The following ADAMTS20 variants were observed in gnomAD, a reference collection of about 807,000 sequenced individuals.
ADAMTS20 encodes the protein ADAM metallopeptidase with thrombospondin type 1 motif 20, also known as A disintegrin and metalloproteinase with thrombospondin motifs 20.
In ADAMTS20, 225 loss-of-function variants were observed where a neutral mutation model predicts 260.1. That is an observed-to-expected ratio of 0.87 (90% confidence interval 0.78 to 0.97). ADAMTS20 has a LOEUF of 0.97. Ranked by LOEUF, ADAMTS20 falls within the 50% of genes least tolerant of loss-of-function variation. The pLI, the probability that ADAMTS20 is intolerant of heterozygous loss-of-function variation, is 0.00. For missense variants in ADAMTS20, 2,400 were observed against 2,337.7 expected, an observed-to-expected ratio of 1.03 and a Z score of -0.55; for synonymous variants, 802 against 769.5, an observed-to-expected ratio of 1.04 and a Z score of -0.70.
intron 28 of ADAMTS20, among the ~76,000 whole-genome samples, chr12:43,407,359 G>A (rs1940938873): frequency 6.6e-6 from 1 of 151,198 alleles, no homozygotes; most frequent in Admixed American, 6.6e-5. Flanking sequence ...ATTATTTTGA[G>A]CATATATGTA....
In ADAMTS20 at chr12:43,356,597, T is replaced by G; in HGVS notation, c.5539-9A>C. 1 of 1,585,728 alleles carries G rather than the reference T, an allele frequency of 6.3e-7. No individual in the cohort carries two copies. ...TTAATGCTAAACTGTCCCTGGATTG[T>G]AAATAAAACAAAGAAAAATAGATGG... On this transcript the variant is annotated splice_polypyrimidine_tract_variant and intron_variant, in intron 37 of 38. Coordinates refer to ENST00000389420, the MANE Select transcript of ADAMTS20 (RefSeq NM_025003.5).
chr12:43,514,560 C>CAAAA (rs58435633), intron 3 of ADAMTS20, among the ~76,000 whole-genome samples: 1 of 63,658 alleles, frequency 1.6e-5, no homozygotes, highest in Non-Finnish European at 2.5e-5. Context: ...GACTCTATCT[C>CAAAA]AAAAAAAAAA....
At chr12:43,389,451 C>A (rs1033070045) in intron 29 of ADAMTS20, among the ~76,000 whole-genome samples, 1 of 152,182 alleles carries the variant, frequency 6.6e-6, no homozygotes, top group East Asian at 1.9e-4. Context: ...TGAGAATAAT[C>A]TTTGATGCAA....
At chr12:43,356,252 C>G (rs1468749356) in intron 38 of ADAMTS20, among the ~76,000 whole-genome samples, 1 of 152,128 alleles carries the variant, frequency 6.6e-6, no homozygotes, top group Non-Finnish European at 1.5e-5. Flanking sequence ...TATCTATAGC[C>G]TATATATGGA....
At chr12:43,375,968 G>T in intron 35 of ADAMTS20, 89 bp downstream of exon 35, 1 of 931,410 alleles carries the variant, frequency 1.1e-6, no homozygotes, top group Non-Finnish European at 1.6e-6. Flanking sequence ...TCACATGTAA[G>T]CTATTCAAGT....
At chr12:43,419,751 C>A (rs1941194672) in intron 28 of ADAMTS20, among the ~76,000 whole-genome samples, 1 of 152,096 alleles carries the variant, frequency 6.6e-6, no homozygotes, top group Non-Finnish European at 1.5e-5. Context: ...CACACACACA[C>A]ACACACAGTC....
At chr12:43,491,166 T>C (rs549624614) in intron 6 of ADAMTS20, among the ~76,000 whole-genome samples, 143 of 152,248 alleles carry the variant, frequency 9.4e-4, no homozygotes, top group Non-Finnish European at 1.6e-3. Context: ...ACCTTTTCTA[T>C]GTTTAGATAG....
At chr12:43,412,814 T>G (rs529778145) in intron 28 of ADAMTS20, among the ~76,000 whole-genome samples, 1 of 138,214 alleles carries the variant, frequency 7.2e-6, no homozygotes, top group South Asian at 2.6e-4. Context: ...TTTTTTTTTT[T>G]TTTTTTTTTT....
intron 27 of ADAMTS20, among the ~76,000 whole-genome samples, chr12:43,426,853 A>T (rs1025210152): frequency 8.5e-5 from 13 of 152,218 alleles, no homozygotes; most frequent in African/African-American, 3.1e-4. Context: ...TAGAATATGC[A>T]TTTTTTAAAT....
chr12:43,432,310 C>T lies in ADAMTS20; in HGVS notation c.3090G>A (p.Trp1030Ter). 1 of 1,613,776 alleles carries T rather than the reference C, an allele frequency of 6.2e-7. No homozygotes were observed. The highest frequency in any genetic ancestry group is 8.5e-7 in the Non-Finnish European group (1 of 1,179,762). Residue 1030 changes from tryptophan (W) to a stop codon, truncating the protein, a stop_gained, in exon 21 of 39, where the codon TGG (tryptophan) becomes TGA (stop). Transcript: ENST00000389420. LOFTEE classifies it high-confidence loss of function. Reference protein sequence around the residue: ...FSCPSWAASEWSECLVTCGKG... With the variant: ...FSCPSWAASE ...CATCATGTGTTTAATGTACCTCGCT[C>T]CATTCACTAGCAGCCCAACTGGGAC...
chr12:43,355,746 A>T (rs1002177947), intron 38 of ADAMTS20, among the ~76,000 whole-genome samples: 1 of 152,146 alleles, frequency 6.6e-6, no homozygotes, highest in Non-Finnish European at 1.5e-5. Context: ...AATAACCATA[A>T]GTAATAGAAA....
intron 36 of ADAMTS20, among the ~76,000 whole-genome samples, chr12:43,373,201 G>A (rs916733992): frequency 6.6e-6 from 1 of 152,188 alleles, no homozygotes; most frequent in Non-Finnish European, 1.5e-5. Flanking sequence ...AAAAAGAGAG[G>A]AGAAACTGTA....
At chr12:43,440,610 A>T (rs1274972445) in intron 16 of ADAMTS20, among the ~76,000 whole-genome samples, 1 of 152,180 alleles carries the variant, frequency 6.6e-6, no homozygotes, top group Non-Finnish European at 1.5e-5. Flanking sequence ...TTCACTCTAT[A>T]CTTTTCTATC....
At chr12:43,524,014 C>T in intron 3 of ADAMTS20, among the ~76,000 whole-genome samples, 1 of 151,628 alleles carries the variant, frequency 6.6e-6, no homozygotes, top group Non-Finnish European at 1.5e-5. Context: ...GTAGCTGGTG[C>T]TCTTCTTCAA....
chr12:43,381,256 G>C (rs546164094), intron 31 of ADAMTS20, among the ~76,000 whole-genome samples: 2 of 152,056 alleles, frequency 1.3e-5, no homozygotes, highest in South Asian at 4.2e-4. Context: ...AATTATAAAA[G>C]CCTACAAAGA....
chr12:43,531,847 T>C (rs1323479844), intron 3 of ADAMTS20, among the ~76,000 whole-genome samples, 189 bp downstream of exon 3: 1 of 152,120 alleles, frequency 6.6e-6, no homozygotes, highest in Non-Finnish European at 1.5e-5. Context: ...ATTAAGCCAT[T>C]CCACAATGTA....
intron 37 of ADAMTS20, among the ~76,000 whole-genome samples, chr12:43,360,384 G>A (rs1466670616): frequency 6.6e-6 from 1 of 152,184 alleles, no homozygotes; most frequent in Non-Finnish European, 1.5e-5. Flanking sequence ...GGGAGGCAGA[G>A]GTTGCAGTGA....
chr12:43,482,828 T>G (rs1942462329), intron 7 of ADAMTS20, among the ~76,000 whole-genome samples: 3 of 152,124 alleles, frequency 2.0e-5, no homozygotes. Flanking sequence ...CTGCTGTACT[T>G]TTGAAAGCAC....
intron 7 of ADAMTS20, among the ~76,000 whole-genome samples, chr12:43,471,123 G>C (rs999271009): frequency 6.6e-6 from 1 of 152,104 alleles, no homozygotes; most frequent in Non-Finnish European, 1.5e-5. Context: ...AGGCCAGTGG[G>C]TGCACGCACC....
Sources: allele counts gnomAD v4.1 joint callset (sites outside exome capture counted in the v4.1 genomes callset), GRCh38; gene constraint gnomAD v4.1.1; transcripts MANE v1.5; gene names NCBI Gene and HGNC (gene_info 2026-07-23, HGNC 2026-07-21).